The following COL19A1 variants were observed in gnomAD, a reference collection of about 807,000 sequenced individuals.
COL19A1 encodes collagen alpha-1(XIX) chain.
A neutral mutation model predicts 190.2 loss-of-function variants in COL19A1; 159 were observed. The observed-to-expected ratio is 0.84, with a 90% CI of 0.73 to 0.95. The LOEUF is 0.95. COL19A1 is among the 40% of genes least tolerant of loss of function. The probability of loss-of-function intolerance (pLI) is 0.00; values close to 1 mark genes in which losing one functional copy is unlikely to be tolerated. For missense variants in COL19A1, 1,418 were observed against 1,431.9 expected, an observed-to-expected ratio of 0.99 and a Z score of 0.16; for synonymous variants, 509 against 458.9, an observed-to-expected ratio of 1.11 and a Z score of -1.39.
intron 18 of COL19A1, chr6:70,131,076 A>T (rs1785492163): frequency 2.2e-6 from 1 of 462,574 alleles, no homozygotes; most frequent in Non-Finnish European, 4.5e-6. Context: ...AGCTGTAAAG[A>T]TGACAGATTC....
At chr6:70,206,871 G>T (rs78546554) in intron 49 of COL19A1, 30 bp from the exon 50 acceptor site, 5 of 1,594,774 alleles carry the variant, frequency 3.1e-6, no homozygotes, top group South Asian at 2.3e-5. Context: ...CCCTTTTTGT[G>T]TGTCTCTTTT....
chr6:70,095,160 T>A (rs1055351298), intron 15 of COL19A1, among the ~76,000 whole-genome samples: 37 of 151,930 alleles, frequency 2.4e-4, no homozygotes, highest in African/African-American at 8.0e-4. Flanking sequence ...TGATCAACAT[T>A]ATGTTTATGA....
At chr6:70,160,484 TG>T (rs1475779067) in intron 34 of COL19A1, among the ~76,000 whole-genome samples, 1 of 152,134 alleles carries the variant, frequency 6.6e-6, no homozygotes, top group Non-Finnish European at 1.5e-5. Flanking sequence ...CCAAAGCCTC[TG>T]AAAACCCTGG....
chr6:69,909,993 G>T (rs111825594), intron 4 of COL19A1, among the ~76,000 whole-genome samples: 1 of 152,046 alleles, frequency 6.6e-6, no homozygotes, highest in Non-Finnish European at 1.5e-5. Context: ...TGTGTCCCTC[G>T]TGGTACCTGA....
rs755581724 is a variant in COL19A1 at position 69,938,073 on chromosome 6, T to C, written c.909T>C (p.Pro303=). The change falls in exon 9 of 51, where the codon CCT becomes CCC. Residue 303 remains proline, a synonymous_variant. Transcript: ENST00000620364. ...EAGLPGAPGS[P]GQKGHKGEPG... ...GATTACCAGGAGCTCCGGGTTCACC[T>C]GGGCAGAAAGGGCATAAAGGAGAGC... 6.2e-6 allele frequency: 10 copies of C among 1,612,616 alleles called. No homozygotes were observed. In the East Asian group the frequency reaches 2.2e-4, roughly 36 times the overall value.
At chr6:70,190,440 A>G (rs956797390) in intron 48 of COL19A1, 59 bp downstream of exon 48, 9 of 1,114,176 alleles carry the variant, frequency 8.1e-6, no homozygotes, top group East Asian at 4.8e-5. Flanking sequence ...CCCACCTACT[A>G]TGGGGAATCC....
At chr6:69,966,448 T>A (rs1439836611) in intron 11 of COL19A1, among the ~76,000 whole-genome samples, 2 of 152,238 alleles carry the variant, frequency 1.3e-5, no homozygotes, top group Non-Finnish European at 2.9e-5. Context: ...TGCCTTGGGA[T>A]GCTGTTAATT....
intron 14 of COL19A1, among the ~76,000 whole-genome samples, chr6:70,065,126 C>A (rs538694823): frequency 2.1e-4 from 32 of 152,204 alleles, no homozygotes; most frequent in South Asian, 6.2e-4. Context: ...TCGTATGGAA[C>A]CAAAAAAGAG....
At chr6:70,080,929 G>A (rs1212513919) in intron 15 of COL19A1, among the ~76,000 whole-genome samples, 1 of 152,152 alleles carries the variant, frequency 6.6e-6, no homozygotes, top group African/African-American at 2.4e-5. Flanking sequence ...TTATGCAAGT[G>A]AATGTGGTGT....
intron 36 of COL19A1, among the ~76,000 whole-genome samples, chr6:70,164,128 T>C (rs1481981396): frequency 6.6e-6 from 1 of 152,130 alleles, no homozygotes; most frequent in African/African-American, 2.4e-5. Flanking sequence ...TAGACGGTCA[T>C]GGGGGAAATT....
At chr6:70,185,390 C>T (rs1766444491) in intron 46 of COL19A1, among the ~76,000 whole-genome samples, 3 of 152,120 alleles carry the variant, frequency 2.0e-5, no homozygotes, top group African/African-American at 7.2e-5. Context: ...AAAGTGTCTC[C>T]AGACATCACC....
rs185335714 is a variant in COL19A1 at position 70,134,625 on chromosome 6, C to A, written c.1384-3060C>A. Among the ~76,000 whole-genome samples, 5 of 152,264 alleles carry A rather than the reference C, an allele frequency of 3.3e-5. No homozygotes were observed. In the East Asian group the frequency reaches 9.6e-4, roughly 29 times the overall value. Reference sequence around the variant, plus strand: ...TAGAATATTTGTACTGACAGGTCTGCAAGTTGGCTTCTTATCCATTTGGTT... The same window carrying A: ...TAGAATATTTGTACTGACAGGTCTGAAAGTTGGCTTCTTATCCATTTGGTT... On this transcript the variant is annotated intron_variant, in intron 18 of 50. Transcript: ENST00000620364.
intron 2 of COL19A1, among the ~76,000 whole-genome samples, chr6:69,896,879 C>T (rs1372345118): frequency 6.6e-6 from 1 of 152,116 alleles, no homozygotes; most frequent in Non-Finnish European, 1.5e-5. Context: ...ATTGTATATT[C>T]TAGAAATGAT....
At chr6:70,036,543 A>G (rs1779360699) in intron 14 of COL19A1, among the ~76,000 whole-genome samples, 1 of 152,182 alleles carries the variant, frequency 6.6e-6, no homozygotes, top group Admixed American at 6.5e-5. Flanking sequence ...CTTTATAATA[A>G]ATATATGATT....
intron 2 of COL19A1, among the ~76,000 whole-genome samples, chr6:69,882,869 G>A (rs1037755031): frequency 6.6e-6 from 1 of 152,202 alleles, no homozygotes; most frequent in Non-Finnish European, 1.5e-5. Context: ...TAAAATGTAT[G>A]CTGTTATATA....
rs571859944 is a variant in COL19A1 at position 70,194,964 on chromosome 6, C to CAT, written c.3094+4594_3094+4595dup. On this transcript the variant is annotated intron_variant, in intron 48 of 50. Coordinates refer to ENST00000620364, the MANE Select transcript of COL19A1 (RefSeq NM_001858.6). ...CGATATGCATTTCATACATATATTT[C>CAT]ATATATATATATGCATATATATATG... 1.3e-3 allele frequency among the ~76,000 whole-genome samples: 194 copies of CAT among 150,614 alleles called. 1 individual carries two copies. Among genetic ancestry groups the CAT allele is most frequent in the Admixed American group, 2.3e-3 (34 of 15,094 alleles).
chr6:69,898,292 G>A (rs763439858), intron 2 of COL19A1, among the ~76,000 whole-genome samples: 4 of 152,162 alleles, frequency 2.6e-5, no homozygotes, highest in African/African-American at 4.8e-5. Context: ...GTCCTAAGAC[G>A]TTGAAAAATT....
chr6:70,211,359 C>T lies in COL19A1; in HGVS notation c.*4085C>T, dbSNP rs1271004985. The stretch of plus-strand genomic sequence containing the variant: ...TGCAGATTTGTCCATTGCTCTTGTT[C>T]TTAAATTATTTTTCATACTTGTCTG... On this transcript the variant is annotated 3_prime_UTR_variant, in exon 51 of 51. Coordinates refer to ENST00000620364, the MANE Select transcript of COL19A1 (RefSeq NM_001858.6). Among the ~76,000 whole-genome samples the T allele has an allele frequency of 1.3e-5, 2 of 151,786 alleles. No individual in the cohort carries two copies. The highest frequency in any genetic ancestry group is 4.8e-5 in the African/African-American group (2 of 41,322).
chr6:69,979,020 G>T (rs143438439), intron 11 of COL19A1, among the ~76,000 whole-genome samples: 2,112 of 151,862 alleles, frequency 0.014, 47 homozygotes, highest in African/African-American at 0.042. Context: ...ATAAAAAATT[G>T]ACCAAGAATA....
Sources: allele counts gnomAD v4.1 joint callset (sites outside exome capture counted in the v4.1 genomes callset), GRCh38; gene constraint gnomAD v4.1.1; transcripts MANE v1.5; gene names NCBI Gene and HGNC (gene_info 2026-07-23, HGNC 2026-07-21).